Variants in MON1A observed in about 807,000 individuals in gnomAD.
MON1A encodes vacuolar fusion protein MON1 homolog A.
In MON1A, 29 loss-of-function variants were observed where a neutral mutation model predicts 44.6. The observed-to-expected ratio is 0.65, with a 90% CI of 0.48 to 0.89. MON1A has a LOEUF of 0.89. Ranked by LOEUF, MON1A falls within the 40% of genes least tolerant of loss-of-function variation. The pLI, the probability that MON1A is intolerant of heterozygous loss-of-function variation, is 0.00. For synonymous variants in MON1A, 275 were observed against 316.4 expected, an observed-to-expected ratio of 0.87 and a Z score of 1.39; for missense variants, 615 against 759.6, an observed-to-expected ratio of 0.81 and a Z score of 2.24.
rs1410859006 is a variant in MON1A at position 49,921,632 on chromosome 3, G to A, written c.-14+7977C>T. On this transcript the variant is annotated intron_variant, in intron 1 of 5. Coordinates refer to ENST00000296473, the MANE Select transcript of MON1A (RefSeq NM_032355.4). ...AAATACAAAAAATTAGCCGGGCGTG[G>A]TAGCACTTTTTTTTTTTTTTTTTTA... is the stretch of plus-strand genomic sequence containing the variant. Among the ~76,000 whole-genome samples, 4 of 133,866 alleles carry A rather than the reference G, an allele frequency of 3.0e-5. No homozygotes were observed. In the East Asian group the frequency reaches 8.3e-4, roughly 28 times the overall value. The allele number at this position is 133,866 out of a possible 152,430, so 87.8% of individuals were successfully genotyped here. A position where few individuals can be genotyped will look rare whatever the true frequency, so the allele number is the denominator to read the frequency against.
In MON1A at chr3:49,910,529, C is replaced by A. The variant is rs34174971; in HGVS notation, c.969G>T (p.Leu323=). ...ARARSLVFSI[L]LARNQLVALV... ...GTGCCACGAGCTGGTTGCGGGCCAG[C>A]AGGATGGAGAAGACCAGGCTGCGCG... The change falls in exon 4 of 6, where the codon CTG becomes CTT. Residue 323 remains leucine, a synonymous_variant. Coordinates refer to ENST00000296473, the MANE Select transcript of MON1A (RefSeq NM_032355.4). This position sits in a 1 kb window ranked among gnomAD's most constrained non-coding sequence, Gnocchi z 8.0. 9,895 of 1,613,748 alleles carry A rather than the reference C, an allele frequency of 6.1e-3. 547 individuals are homozygous for A. The African/African-American group carries it at 0.12, about 19-fold the overall frequency.
Position 49,909,408 on chromosome 3 carries a change from C to T in MON1A, c.1380-8G>A. ...GGGGCCTCAATCTCAGGGCTGCAGA[C>T]AGGGTGGAGGGAGTGGGTTTGCAAA... On this transcript the variant is annotated splice_region_variant and splice_polypyrimidine_tract_variant and intron_variant, in intron 4 of 5. Coordinates refer to ENST00000296473, the MANE Select transcript of MON1A (RefSeq NM_032355.4). This position sits in a 1 kb window ranked among gnomAD's most constrained non-coding sequence, Gnocchi z 4.0. 1 of 1,613,878 alleles carries T rather than the reference C, an allele frequency of 6.2e-7. No individual in the cohort carries two copies. The highest frequency in any genetic ancestry group is 8.5e-7 in the Non-Finnish European group (1 of 1,179,926).
chr3:49,923,468 CTT>C (rs201685649), intron 1 of MON1A, among the ~76,000 whole-genome samples: 118 of 135,400 alleles, frequency 8.7e-4, no homozygotes, highest in African/African-American at 2.5e-3. Context: ...AAGACAAGCT[CTT>C]TTTTTTTTTT....
chr3:49,919,544 A>G (rs1438345268), intron 1 of MON1A, among the ~76,000 whole-genome samples: 1 of 152,174 alleles, frequency 6.6e-6, no homozygotes, highest in African/African-American at 2.4e-5. Flanking sequence ...CAGCAGCGCC[A>G]TCTCCGCTCA....
chr3:49,914,293 GGCT>G (rs2082923285), intron 1 of MON1A, among the ~76,000 whole-genome samples: 1 of 151,770 alleles, frequency 6.6e-6, no homozygotes, highest in Non-Finnish European at 1.5e-5. Context: ...GTGTTGGTCA[GGCT>G]GCTCTCGAAC....
chr3:49,915,261 G>A (rs1304361767), intron 1 of MON1A, among the ~76,000 whole-genome samples: 1 of 152,178 alleles, frequency 6.6e-6, no homozygotes, highest in African/African-American at 2.4e-5. Flanking sequence ...TGTATCCAGT[G>A]GCTCACTCCT....
chr3:49,912,470 C>T (rs2082897693), intron 2 of MON1A: 2 of 165,400 alleles, frequency 1.2e-5, no homozygotes, highest in Admixed American at 5.9e-5. Flanking sequence ...CCCAGGCACT[C>T]TATATATCCC....
At chr3:49,917,884 TA>T (rs1253450311) in intron 1 of MON1A, among the ~76,000 whole-genome samples, 1 of 151,598 alleles carries the variant, frequency 6.6e-6, no homozygotes, top group Non-Finnish European at 1.5e-5. Flanking sequence ...CTGTCTCTAC[TA>T]AAAATACAAA....
At chr3:49,915,334 C>T (rs947940054) in intron 1 of MON1A, among the ~76,000 whole-genome samples, 1 of 152,142 alleles carries the variant, frequency 6.6e-6, no homozygotes, top group Non-Finnish European at 1.5e-5. Context: ...AGTTCACTAG[C>T]TGGGGCAACA....
chr3:49,924,537 G>C (rs1200328470), intron 1 of MON1A: 1 of 298,040 alleles, frequency 3.4e-6, no homozygotes, highest in Admixed American at 3.9e-5. Flanking sequence ...AAATTACCTA[G>C]GTGTCATGAC....
At chr3:49,929,421 A>G (rs2083075760) in intron 1 of MON1A, 188 bp downstream of exon 1, 1 of 705,574 alleles carries the variant, frequency 1.4e-6, no homozygotes, top group South Asian at 1.7e-5. Flanking sequence ...GATGGGTTCC[A>G]GATCTCGCCT....
At position 49,912,875 on chromosome 3, in the gene MON1A, A is replaced by AT. The variant is rs1376040306; in HGVS notation, c.127+344dup. ...AGATGGGCAATATATGCATAAAGAG[A>AT]TAAAATTATGAAATAATTAGTGTGC... is the stretch of plus-strand genomic sequence containing the variant. On this transcript the variant is annotated intron_variant, in intron 2 of 5. Coordinates refer to ENST00000296473, the MANE Select transcript of MON1A (RefSeq NM_032355.4). 1.3e-4 allele frequency: 51 copies of AT among 394,794 alleles called. 1 individual carries two copies. The highest frequency in any genetic ancestry group is 1.0e-3 in the African/African-American group (49 of 48,676). The allele number at this position is 394,794 out of a possible 1,614,324, so 24.5% of individuals were successfully genotyped here. A position where few individuals can be genotyped will look rare whatever the true frequency, so the allele number is the denominator to read the frequency against.
intron 1 of MON1A, among the ~76,000 whole-genome samples, chr3:49,918,558 C>T (rs1244983158): frequency 1.3e-5 from 2 of 151,820 alleles, no homozygotes; most frequent in Non-Finnish European, 2.9e-5. Flanking sequence ...ATTACAAGCA[C>T]CCACCACTTC....
Position 49,910,266 on chromosome 3 carries a change from C to T in MON1A, c.1232G>A (p.Arg411His). 1 of 1,614,028 alleles carries T rather than the reference C, an allele frequency of 6.2e-7. No homozygotes were observed. The highest frequency in any genetic ancestry group is 8.5e-7 in the Non-Finnish European group (1 of 1,179,946). ...CTTGCGAAGGCGCTCCTGGAAGCGG[C>T]GGCGGCAGTCAGAGACTGCAAAGAA... ...EDFFAVSDCR[R>H]RFQERLRKRG... The change falls in exon 4 of 6, where the codon CGC becomes CAC. Residue 411 changes from arginine to histidine, a missense_variant. Arg to His is a conservative substitution (Grantham distance 29, BLOSUM62 0). Coordinates refer to ENST00000296473, the MANE Select transcript of MON1A (RefSeq NM_032355.4). This position sits in a 1 kb window ranked among gnomAD's most constrained non-coding sequence, Gnocchi z 8.0.
At chr3:49,923,157 C>T (rs974362586) in intron 1 of MON1A, among the ~76,000 whole-genome samples, 3 of 151,522 alleles carry the variant, frequency 2.0e-5, no homozygotes, top group East Asian at 2.0e-4. Flanking sequence ...CTGGCTAACA[C>T]GGTGAAACCC....
intron 1 of MON1A, among the ~76,000 whole-genome samples, chr3:49,923,288 C>T (rs890793575): frequency 4.3e-5 from 6 of 138,158 alleles, no homozygotes; most frequent in East Asian, 5.0e-4. Context: ...GTTGAGATCG[C>T]GCCACCGCAC....
At position 49,909,638 on chromosome 3, in the gene MON1A, AC is replaced by A. The variant is rs2082851296; in HGVS notation, c.1380-239del. Reference sequence around the variant, plus strand: ...CCCTAAGCTCATAGTGTCTTTGGTGACCCCTCTTTGGAGAGGCCAGGTTGAG... The same window carrying A: ...CCCTAAGCTCATAGTGTCTTTGGTGACCCTCTTTGGAGAGGCCAGGTTGAG... On this transcript the variant is annotated intron_variant, in intron 4 of 5. Coordinates refer to ENST00000296473, the MANE Select transcript of MON1A (RefSeq NM_032355.4). This position sits in a 1 kb window ranked among gnomAD's most constrained non-coding sequence, Gnocchi z 4.0. The A allele has an allele frequency of 3.7e-5, 20 of 535,976 alleles. No individual in the cohort carries two copies. In the East Asian group the frequency reaches 6.2e-4, roughly 17 times the overall value. The allele number at this position is 535,976 out of a possible 1,614,324, so 33.2% of individuals were successfully genotyped here.
At chr3:49,923,368 A>AGGAAGGAAGG (rs759137407) in intron 1 of MON1A, among the ~76,000 whole-genome samples, 2 of 145,054 alleles carry the variant, frequency 1.4e-5, no homozygotes, top group African/African-American at 2.5e-5. Flanking sequence ...GAAGGGAGGA[A>AGGAAGGAAGG]GGAAGGAAGG....
At chr3:49,913,660 ATTTT>A (rs1165487319) in intron 1 of MON1A, among the ~76,000 whole-genome samples, 2 of 113,684 alleles carry the variant, frequency 1.8e-5, no homozygotes, top group Admixed American at 9.4e-5. Flanking sequence ...TCCTTCTAGT[ATTTT>A]TTTTTTTTTT....
Sources: allele counts gnomAD v4.1 joint callset (sites outside exome capture counted in the v4.1 genomes callset), GRCh38; gene constraint gnomAD v4.1.1; non-coding constraint Gnocchi (gnomAD v3.1); transcripts MANE v1.5; gene names NCBI Gene and HGNC (gene_info 2026-07-23, HGNC 2026-07-21).